The following PLCB1 variants were observed in gnomAD, a reference collection of about 807,000 sequenced individuals.
PLCB1 encodes 1-phosphatidylinositol 4,5-bisphosphate phosphodiesterase beta-1.
Under a neutral mutation model 161.8 loss-of-function variants are expected in PLCB1, and 46 were observed. The ratio of observed to expected loss-of-function variants is 0.28; its 90% CI spans 0.22 to 0.36. The LOEUF is 0.36. Ranked by LOEUF, PLCB1 falls within the 10% of genes least tolerant of loss-of-function variation. PLCB1 has a pLI of 1.00. For synonymous variants in PLCB1, 517 were observed against 503.7 expected, an observed-to-expected ratio of 1.03 and a Z score of -0.35; for missense variants, 1,016 against 1,472.5, an observed-to-expected ratio of 0.69 and a Z score of 5.07.
intron 23 of PLCB1, among the ~76,000 whole-genome samples, chr20:8,745,261 AT>A (rs1981111830): frequency 6.6e-6 from 1 of 152,202 alleles, no homozygotes; most frequent in Non-Finnish European, 1.5e-5. Flanking sequence ...TTGTCTTGGA[AT>A]AATGTAAGTT....
chr20:8,728,995 T>G (rs1600281066), intron 17 of PLCB1, 55 bp from the exon 18 acceptor site: 3 of 1,254,000 alleles, frequency 2.4e-6, no homozygotes, highest in Admixed American at 2.3e-5. Context: ...TCTTAGTTAC[T>G]ATTATTGACT....
rs553962271 is a variant in PLCB1 at position 8,866,692 on chromosome 20, G to A, written c.3424-14930G>A. ...TGTAACCACCCAGCTCCTGTCACTC[G>A]TTTGCCTTTTGATCTGGCCCTGCCT... On this transcript the variant is annotated intron_variant, in intron 31 of 31. Transcript: ENST00000338037. 2.6e-5 allele frequency among the ~76,000 whole-genome samples: 4 copies of A among 152,220 alleles called. No individual in the cohort carries two copies. In the South Asian group the frequency reaches 8.3e-4, roughly 32 times the overall value.
Position 8,724,197 on chromosome 20 carries a change from G to A in PLCB1, c.1582-459G>A, listed in dbSNP as rs555745787. ...TTTATATAAAAAAAAAAACCTGCAC[G>A]TGTAGCCCTGAATTTAAAATAAATG... is the stretch of plus-strand genomic sequence containing the variant. On this transcript the variant is annotated intron_variant, in intron 15 of 31. Coordinates refer to ENST00000338037, the MANE Select transcript of PLCB1 (RefSeq NM_015192.4). 1.3e-4 allele frequency among the ~76,000 whole-genome samples: 19 copies of A among 148,452 alleles called. No homozygotes were observed. In the South Asian group the frequency reaches 2.5e-3, roughly 20 times the overall value.
intron 2 of PLCB1, among the ~76,000 whole-genome samples, chr20:8,183,915 A>G (rs1325946673): frequency 6.6e-6 from 1 of 152,226 alleles, no homozygotes; most frequent in African/African-American, 2.4e-5. Flanking sequence ...ATTGGTTAAA[A>G]AAGAACCAAA....
chr20:8,244,198 T>A (rs1292016389), intron 2 of PLCB1, among the ~76,000 whole-genome samples: 1 of 151,932 alleles, frequency 6.6e-6, no homozygotes, highest in Admixed American at 6.6e-5. Flanking sequence ...GAAAACTATT[T>A]ATTAATGTTT....
intron 31 of PLCB1, chr20:8,831,228 T>A (rs1169576919): frequency 6.4e-6 from 1 of 157,282 alleles, no homozygotes; most frequent in Non-Finnish European, 1.4e-5. Context: ...CCCCAGGCTG[T>A]GTCCAAGTAG....
intron 3 of PLCB1, among the ~76,000 whole-genome samples, chr20:8,564,729 GA>G (rs543865496): frequency 0.011 from 1,703 of 151,838 alleles, 14 homozygotes; most frequent in Non-Finnish European, 0.019. Flanking sequence ...ACATACATAT[GA>G]AAAAAAAGCT....
intron 3 of PLCB1, among the ~76,000 whole-genome samples, chr20:8,486,260 G>C (rs922213468): frequency 6.6e-6 from 1 of 152,146 alleles, no homozygotes; most frequent in African/African-American, 2.4e-5. Context: ...GAGATACAAG[G>C]GGATAAAGCA....
intron 10 of PLCB1, among the ~76,000 whole-genome samples, chr20:8,688,237 T>G (rs1990400721): frequency 6.6e-6 from 1 of 152,150 alleles, no homozygotes; most frequent in African/African-American, 2.4e-5. Context: ...TGGATATTAG[T>G]CCTTTGTCAG....
intron 3 of PLCB1, among the ~76,000 whole-genome samples, chr20:8,511,166 T>C (rs529915095): frequency 6.6e-6 from 1 of 152,330 alleles, no homozygotes. Context: ...TTCTACTCTC[T>C]ACTTCTGTAA....
intron 2 of PLCB1, among the ~76,000 whole-genome samples, chr20:8,334,614 A>G (rs1464441472): frequency 6.6e-6 from 1 of 152,230 alleles, no homozygotes; most frequent in African/African-American, 2.4e-5. Flanking sequence ...AGAAAAATAA[A>G]ACACTCAAGT....
chr20:8,156,907 G>A (rs2051568768), intron 2 of PLCB1, among the ~76,000 whole-genome samples: 1 of 152,074 alleles, frequency 6.6e-6, no homozygotes, highest in South Asian at 2.1e-4. Context: ...CCAAACAATT[G>A]TCCATAAGTA....
chr20:8,667,866 C>A (rs1174958844), intron 9 of PLCB1, among the ~76,000 whole-genome samples: 2 of 152,118 alleles, frequency 1.3e-5, no homozygotes, highest in African/African-American at 4.8e-5. Context: ...AGAATGGCTT[C>A]TTTCCCCCTA....
intron 3 of PLCB1, among the ~76,000 whole-genome samples, chr20:8,515,100 T>TA (rs1984057035): frequency 1.3e-5 from 2 of 152,028 alleles, no homozygotes; most frequent in African/African-American, 4.8e-5. Context: ...ACATAGAAGG[T>TA]AAAATGTTAA....
At chr20:8,541,600 G>GCAAGAAAGAAAGAAATAAAGAAAT (rs1985331229) in intron 3 of PLCB1, among the ~76,000 whole-genome samples, 1 of 150,646 alleles carries the variant, frequency 6.6e-6, no homozygotes. Context: ...AAGAAAGAAA[G>GCAAGAAAGAAAGAAATAAAGAAAT]AAAGAAAGGA....
intron 2 of PLCB1, among the ~76,000 whole-genome samples, chr20:8,316,514 G>A (rs1005812528): frequency 2.0e-5 from 3 of 152,150 alleles, no homozygotes; most frequent in Admixed American, 6.6e-5. Context: ...CTGTTGGTCA[G>A]TCTCAACCCG....
chr20:8,460,559 T>G (rs1488836045), intron 3 of PLCB1, among the ~76,000 whole-genome samples: 1 of 152,368 alleles, frequency 6.6e-6, no homozygotes, highest in Non-Finnish European at 1.5e-5. Flanking sequence ...GCAAAGTTTC[T>G]GTGTGATGCC....
intron 31 of PLCB1, among the ~76,000 whole-genome samples, chr20:8,834,810 GAAAA>G (rs10568816): frequency 0.013 from 1,087 of 85,600 alleles, 48 homozygotes; most frequent in African/African-American, 0.047. Context: ...CTCTGCCTCA[GAAAA>G]AAAAAAAAAA....
chr20:8,720,832 G>A (rs956787133), intron 14 of PLCB1, among the ~76,000 whole-genome samples: 8 of 140,102 alleles, frequency 5.7e-5, no homozygotes, highest in Non-Finnish European at 7.7e-5. Flanking sequence ...TTAATTAAAA[G>A]AATCCCCTCT....
Sources: allele counts gnomAD v4.1 joint callset (sites outside exome capture counted in the v4.1 genomes callset), GRCh38; gene constraint gnomAD v4.1.1; transcripts MANE v1.5; gene names NCBI Gene and HGNC (gene_info 2026-07-23, HGNC 2026-07-21).